The following SGCZ variants were observed in gnomAD, a reference collection of about 807,000 sequenced individuals.
SGCZ encodes sarcoglycan zeta.
SGCZ carries 40 observed loss-of-function variants against 41.3 expected under a neutral mutation model. The observed-to-expected ratio is 0.97, with a 90% CI of 0.75 to 1.26. The LOEUF (loss-of-function observed/expected upper bound fraction) is 1.26. Among genes scored for constraint, SGCZ ranks in the 50% most tolerant of loss-of-function variants. The probability of loss-of-function intolerance (pLI) is 0.00; values close to 1 mark genes in which losing one functional copy is unlikely to be tolerated. For missense variants in SGCZ, 552 were observed against 369.8 expected (o/e 1.49, Z -4.04); for synonymous variants, 206 against 137.5 (o/e 1.50, Z -3.49).
chr8:14,729,204 G>T (rs569763065), intron 1 of SGCZ, among the ~76,000 whole-genome samples: 1 of 152,210 alleles, frequency 6.6e-6, no homozygotes, highest in East Asian at 1.9e-4. Context: ...TTTCTAATTT[G>T]ATTTCCCCAA....
chr8:14,720,915 T>TA (rs200804269), intron 1 of SGCZ, among the ~76,000 whole-genome samples: 1,400 of 14,234 alleles, frequency 0.098, 20 homozygotes, highest in African/African-American at 0.22. Flanking sequence ...GGAAACTGTT[T>TA]TTTTTTTAAT....
At chr8:15,124,408 C>T (rs912112011) in intron 1 of SGCZ, among the ~76,000 whole-genome samples, 5 of 152,088 alleles carry the variant, frequency 3.3e-5, no homozygotes, top group African/African-American at 1.2e-4. Flanking sequence ...TCATTGCAAC[C>T]TGATGATGGG....
At chr8:15,042,920 T>G (rs923492115) in intron 1 of SGCZ, among the ~76,000 whole-genome samples, 1 of 152,178 alleles carries the variant, frequency 6.6e-6, no homozygotes, top group African/African-American at 2.4e-5. Context: ...TTAATAGTGT[T>G]TCAACTGCAA....
intron 2 of SGCZ, among the ~76,000 whole-genome samples, chr8:14,395,113 A>C (rs1007255392): frequency 6.6e-6 from 1 of 152,234 alleles, no homozygotes; most frequent in Non-Finnish European, 1.5e-5. Context: ...GAATGTGCTC[A>C]GTAAATACTC....
intron 1 of SGCZ, among the ~76,000 whole-genome samples, chr8:14,818,953 G>C (rs1585288672): frequency 6.6e-6 from 1 of 151,878 alleles, no homozygotes; most frequent in East Asian, 1.9e-4. Flanking sequence ...TCCAGTTGTA[G>C]AAGAGATAGA....
At chr8:14,488,513 C>A (rs796358252) in intron 2 of SGCZ, among the ~76,000 whole-genome samples, 1 of 151,912 alleles carries the variant, frequency 6.6e-6, no homozygotes, top group Non-Finnish European at 1.5e-5. Context: ...AGATGTAAAT[C>A]ATCCCCTAGC....
intron 1 of SGCZ, among the ~76,000 whole-genome samples, chr8:14,863,997 T>C (rs1803842283): frequency 6.6e-6 from 1 of 152,130 alleles, no homozygotes; most frequent in South Asian, 2.1e-4. Context: ...ATAGAGAGCC[T>C]CTGACAAGTT....
intron 1 of SGCZ, among the ~76,000 whole-genome samples, chr8:15,135,289 G>A (rs369992661): frequency 6.6e-6 from 1 of 152,056 alleles, no homozygotes; most frequent in Non-Finnish European, 1.5e-5. Flanking sequence ...AAACTTTTGG[G>A]TAAATGAACG....
chr8:14,572,578 G>T (rs1563123860), intron 1 of SGCZ, among the ~76,000 whole-genome samples: 1 of 152,082 alleles, frequency 6.6e-6, no homozygotes, highest in Non-Finnish European at 1.5e-5. Context: ...ATTTTTGCAA[G>T]AACTAGCAGG....
intron 1 of SGCZ, among the ~76,000 whole-genome samples, chr8:15,048,287 T>C (rs1804385908): frequency 2.0e-5 from 3 of 151,842 alleles, no homozygotes; most frequent in Admixed American, 2.0e-4. Context: ...GTGGATCCCA[T>C]GAAGGTACAA....
intron 3 of SGCZ, among the ~76,000 whole-genome samples, chr8:14,249,624 G>A (rs551459403): frequency 6.6e-6 from 1 of 152,200 alleles, no homozygotes; most frequent in East Asian, 1.9e-4. Flanking sequence ...AGCTATATCT[G>A]AGAAGGCAAT....
intron 3 of SGCZ, among the ~76,000 whole-genome samples, chr8:14,267,745 G>A (rs1307668298): frequency 6.6e-6 from 1 of 152,018 alleles, no homozygotes; most frequent in South Asian, 2.1e-4. Flanking sequence ...AGTGTGAGGA[G>A]TTTGGGCTCA....
chr8:15,184,360 C>G (rs926258064), intron 1 of SGCZ, among the ~76,000 whole-genome samples: 5 of 152,082 alleles, frequency 3.3e-5, no homozygotes, highest in Non-Finnish European at 7.4e-5. Flanking sequence ...AAACTCACAC[C>G]GATTTGAAAA....
At chr8:14,405,917 G>A (rs1799200648) in intron 2 of SGCZ, among the ~76,000 whole-genome samples, 1 of 152,084 alleles carries the variant, frequency 6.6e-6, no homozygotes, top group Non-Finnish European at 1.5e-5. Flanking sequence ...TTTTTAAATG[G>A]AGGTGCAAGC....
intron 1 of SGCZ, among the ~76,000 whole-genome samples, chr8:14,899,181 A>G (rs1798879012): frequency 6.6e-6 from 1 of 152,150 alleles, no homozygotes; most frequent in South Asian, 2.1e-4. Context: ...CAATGAACAT[A>G]TATTTTAGGA....
At chr8:14,422,922 AG>A (rs748249127) in intron 2 of SGCZ, among the ~76,000 whole-genome samples, 44 of 152,096 alleles carry the variant, frequency 2.9e-4, no homozygotes, top group Middle Eastern at 3.2e-3. Flanking sequence ...CAGCCACTTC[AG>A]GGACTGAGGA....
intron 1 of SGCZ, among the ~76,000 whole-genome samples, chr8:15,020,507 T>G (rs2130941338): frequency 6.6e-6 from 1 of 152,202 alleles, no homozygotes; most frequent in Middle Eastern, 3.4e-3. Flanking sequence ...TGCGGCTGGC[T>G]CTCATTATTA....
intron 2 of SGCZ, among the ~76,000 whole-genome samples, chr8:14,448,771 C>A (rs1294115705): frequency 6.6e-6 from 1 of 152,162 alleles, no homozygotes; most frequent in African/African-American, 2.4e-5. Context: ...ACACCACACT[C>A]TCCTCAGTTC....
At chr8:14,213,470 A>G (rs1357651587) in intron 4 of SGCZ, among the ~76,000 whole-genome samples, 1 of 152,144 alleles carries the variant, frequency 6.6e-6, no homozygotes, top group African/African-American at 2.4e-5. Flanking sequence ...TTCAGGAACT[A>G]AAGGAAAATA....
Sources: allele counts gnomAD v4.1 joint callset (sites outside exome capture counted in the v4.1 genomes callset), GRCh38; gene constraint gnomAD v4.1.1; transcripts MANE v1.5; gene names NCBI Gene and HGNC (gene_info 2026-07-23, HGNC 2026-07-21).